The following SCGB2A2 variants were observed in gnomAD, a reference collection of about 807,000 sequenced individuals.
SCGB2A2 encodes secretoglobin family 2A member 2.
SCGB2A2 carries 11 observed loss-of-function variants against 8.8 expected under a neutral mutation model. That is an observed-to-expected ratio of 1.25 (90% CI 0.79 to 2.07). The LOEUF is 2.07. Among genes scored for constraint, SCGB2A2 ranks in the 30% most tolerant of loss-of-function variants. The pLI is 0.00. For missense variants in SCGB2A2, 113 were observed against 109.9 expected (o/e 1.03, Z -0.13); for synonymous variants, 42 against 40.9 (o/e 1.03, Z -0.10).
At chr11:62,272,847 C>A in intron 2 of SCGB2A2, 110 bp from the exon 3 acceptor site, 1 of 706,194 alleles carries the variant, frequency 1.4e-6, no homozygotes, top group South Asian at 2.2e-5. Context: ...GTCTGGGATG[C>A]TAGATGGTTG....
rs148168628 is a variant in SCGB2A2, at chr11:62,270,886, G to A, written c.61G>A (p.Gly21Ser). 9 of 1,613,228 alleles carry A rather than the reference G, an allele frequency of 5.6e-6. No individual in the cohort carries two copies. The African/African-American group carries it at 1.2e-4, about 22-fold the overall frequency. ...ALSQHCYAGS[G>S]CPLLENVISK... Reference sequence around the variant, plus strand: ...TCCTTGTGCATCCTTCCCAGGCTCTGGCTGCCCCTTATTGGAGAATGTGAT... The same window carrying A: ...TCCTTGTGCATCCTTCCCAGGCTCTAGCTGCCCCTTATTGGAGAATGTGAT... The change falls in exon 2 of 3, where the codon GGC becomes AGC. Residue 21 changes from glycine (G) to serine (S), a missense_variant. Gly to Ser is a moderately conservative substitution (Grantham distance 56, BLOSUM62 0). Transcript: ENST00000227918.
Position 62,273,060 on chromosome 11 carries a change from G to A in SCGB2A2, c.*65G>A. 1.8e-6 allele frequency: 2 copies of A among 1,134,880 alleles called. No homozygotes were observed. Among genetic ancestry groups the A allele is most frequent in the Non-Finnish European group, 2.6e-6 (2 of 771,834 alleles). 70.3% of individuals were successfully genotyped at this position (1,134,880 alleles called of 1,614,324 possible). A position where few individuals can be genotyped will look rare whatever the true frequency, so the allele number is the denominator to read the frequency against. On this transcript the variant is annotated 3_prime_UTR_variant, in exon 3 of 3. Transcript: ENST00000227918. Reference sequence around the variant, plus strand: ...GGTGAGAAACCAACTACGGATTGCTGCAAACCACACCTTCTCTTTCTTATG... The same window carrying A: ...GGTGAGAAACCAACTACGGATTGCTACAAACCACACCTTCTCTTTCTTATG...
chr11:62,272,647 CTTTTTT>C (rs71886885), intron 2 of SCGB2A2, among the ~76,000 whole-genome samples: 1 of 94,462 alleles, frequency 1.1e-5, no homozygotes, highest in Non-Finnish European at 2.0e-5. Context: ...CAAAGTTTCA[CTTTTTT>C]TTTTTTTTTT....
At chr11:62,272,647 C>CTTTTTTT (rs71886885) in intron 2 of SCGB2A2, among the ~76,000 whole-genome samples, 63 of 94,390 alleles carry the variant, frequency 6.7e-4, no homozygotes, top group East Asian at 1.0e-3. Context: ...CAAAGTTTCA[C>CTTTTTTT]TTTTTTTTTT....
intron 2 of SCGB2A2, 41 bp downstream of exon 2, chr11:62,271,109 A>G (rs2134501924): frequency 6.2e-7 from 1 of 1,613,130 alleles, no homozygotes. Context: ...AAATCCCCTG[A>G]CCAGGGACAA....
chr11:62,270,955 G>T lies in SCGB2A2; in HGVS notation c.130G>T (p.Glu44Ter), dbSNP rs1223624104. Residue 44 changes from glutamate to a stop codon, truncating the protein, a stop_gained, in exon 2 of 3, where the codon GAA becomes TAA. Transcript: ENST00000227918. LOFTEE classifies it high-confidence loss of function. The stretch of plus-strand genomic sequence containing the variant: ...ACAAGTGTCTAAGACTGAATACAAA[G>T]AACTTCTTCAAGAGTTCATAGACGA... ...NPQVSKTEYK[E>*]LLQEFIDDNA... 6.2e-7 allele frequency: 1 copy of T among 1,614,094 alleles called. No individual in the cohort carries two copies. The highest frequency in any genetic ancestry group is 1.7e-5 in the Admixed American group (1 of 60,028).
chr11:62,270,261 CT>C lies in SCGB2A2; in HGVS notation c.46del (p.Cys16AlafsTer13), dbSNP rs1945266433. 6.2e-7 allele frequency: 1 copy of C among 1,613,964 alleles called. No homozygotes were observed. The highest frequency in any genetic ancestry group is 8.5e-7 in the Non-Finnish European group (1 of 1,179,944). The stretch of plus-strand genomic sequence containing the variant: ...TCATGCTGGCGGCCCTCTCCCAGCA[CT>C]GCTACGCAGGTGAGTTCTGTGCAGG... ...VLMLAALSQHCYAGSGCPLLE... is the reference protein window; with the variant it reads ...VLMLAALSQHXYAGSGCPLLE... On this transcript the variant is annotated frameshift_variant, in exon 1 of 3. Transcript: ENST00000227918. LOFTEE classifies it high-confidence loss of function.
In SCGB2A2 at chr11:62,272,903, AT is replaced by A. The variant is rs551383289; in HGVS notation, c.244-50del. ...ATAAGCTTCTGTTTTTCAAGATTTT[AT>A]TTTGTTAGAGAGTGCAGAAAATCTA... On this transcript the variant is annotated intron_variant, in intron 2 of 2. Transcript: ENST00000227918. 2.0e-3 allele frequency: 2,644 copies of A among 1,330,568 alleles called. 12 individuals are homozygous for A. The highest frequency in any genetic ancestry group is 1.6e-3 in the Non-Finnish European group (1,509 of 944,664). The allele number at this position is 1,330,568 out of a possible 1,614,324, so 82.4% of individuals were successfully genotyped here. A position where few individuals can be genotyped will look rare whatever the true frequency, so the allele number is the denominator to read the frequency against.
intron 2 of SCGB2A2, among the ~76,000 whole-genome samples, 187 bp from the exon 3 acceptor site, chr11:62,272,770 T>C (rs1945290290): frequency 7.0e-6 from 1 of 142,704 alleles, no homozygotes; most frequent in Admixed American, 7.7e-5. Context: ...ACAGAAAAAA[T>C]ATTTAAAAAG....
At chr11:62,272,339 T>G (rs573567350) in intron 2 of SCGB2A2, among the ~76,000 whole-genome samples, 1 of 151,970 alleles carries the variant, frequency 6.6e-6, no homozygotes, top group South Asian at 2.1e-4. Context: ...GTTTCAGTTG[T>G]GCAAAACAGT....
At chr11:62,270,824 G>A (rs1590673105) in intron 1 of SCGB2A2, 57 bp from the exon 2 acceptor site, 1 of 1,357,120 alleles carries the variant, frequency 7.4e-7, no homozygotes, top group Non-Finnish European at 1.0e-6. Flanking sequence ...TAATAGGTCT[G>A]CCCCAAGCCT....
In SCGB2A2 at chr11:62,270,898, T is replaced by C. The variant is rs766084370; in HGVS notation, c.73T>C (p.Leu25=). 1.7e-5 allele frequency: 27 copies of C among 1,613,976 alleles called. No homozygotes were observed. Among genetic ancestry groups the C allele is most frequent in the East Asian group, 2.2e-5 (1 of 44,880 alleles). ...HCYAGSGCPL[L]ENVISKTINP... ...CTTCCCAGGCTCTGGCTGCCCCTTATTGGAGAATGTGATTTCCAAGACAAT... is the reference window on the plus strand; with the variant it reads ...CTTCCCAGGCTCTGGCTGCCCCTTACTGGAGAATGTGATTTCCAAGACAAT... The change falls in exon 2 of 3, where the codon TTG becomes CTG. Residue 25 remains leucine, a synonymous_variant. Coordinates refer to ENST00000227918, the MANE Select transcript of SCGB2A2 (RefSeq NM_002411.4).
At chr11:62,272,647 C>CA (rs1459002193) in intron 2 of SCGB2A2, among the ~76,000 whole-genome samples, 43 of 94,446 alleles carry the variant, frequency 4.6e-4, no homozygotes, top group African/African-American at 1.7e-3. Context: ...CAAAGTTTCA[C>CA]TTTTTTTTTT....
In SCGB2A2 at chr11:62,270,255, C is replaced by A. The variant is rs773581845; in HGVS notation, c.39C>A (p.Ser13=). ...TGGTCCTCATGCTGGCGGCCCTCTCCCAGCACTGCTACGCAGGTGAGTTCT... is the reference window on the plus strand; with the variant it reads ...TGGTCCTCATGCTGGCGGCCCTCTCACAGCACTGCTACGCAGGTGAGTTCT... ...LLMVLMLAAL[S]QHCYAGSGCP... is the part of the protein sequence containing the mutation. The change falls in exon 1 of 3, where the codon TCC becomes TCA. Residue 13 remains serine, a synonymous_variant. Transcript: ENST00000227918. 42 of 1,613,874 alleles carry A rather than the reference C, an allele frequency of 2.6e-5. No individual in the cohort carries two copies. Among genetic ancestry groups the A allele is most frequent in the Non-Finnish European group, 2.9e-5 (34 of 1,179,984 alleles).
chr11:62,272,834 A>C, intron 2 of SCGB2A2, 123 bp from the exon 3 acceptor site: 2 of 597,392 alleles, frequency 3.3e-6, no homozygotes, highest in Non-Finnish European at 5.7e-6. Context: ...TCCAGCCCTA[A>C]CCGTCTGGGA....
chr11:62,272,042 T>TAAA (rs71053028), intron 2 of SCGB2A2: 462 of 214,608 alleles, frequency 2.2e-3, no homozygotes, highest in African/African-American at 4.7e-3. Context: ...CCTTCCCTGG[T>TAAA]AAAAAAAAAA....
intron 1 of SCGB2A2, among the ~76,000 whole-genome samples, chr11:62,270,678 G>A (rs187632886): frequency 2.4e-4 from 37 of 152,308 alleles, no homozygotes; most frequent in Admixed American, 7.2e-4. Flanking sequence ...TCTGGGCTGG[G>A]GAGTGGAGAG....
intron 2 of SCGB2A2, chr11:62,271,398 C>G (rs1429774079): frequency 2.1e-6 from 3 of 1,427,304 alleles, no homozygotes; most frequent in Non-Finnish European, 2.7e-6. Flanking sequence ...CAGAAACACA[C>G]ATACACACAT....
chr11:62,270,908 T>A lies in SCGB2A2; in HGVS notation c.83T>A (p.Val28Glu), dbSNP rs753525603. 3.1e-6 allele frequency: 5 copies of A among 1,613,972 alleles called. No homozygotes were observed. In the African/African-American group the frequency reaches 6.7e-5, roughly 22 times the overall value. Reference sequence around the variant, plus strand: ...TCTGGCTGCCCCTTATTGGAGAATGTGATTTCCAAGACAATCAATCCACAA... The same window carrying A: ...TCTGGCTGCCCCTTATTGGAGAATGAGATTTCCAAGACAATCAATCCACAA... ...AGSGCPLLEN[V>E]ISKTINPQVS... Residue 28 changes from valine to glutamate, a missense_variant, in exon 2 of 3, where the codon GTG becomes GAG. Val to Glu is a moderately radical substitution (Grantham distance 121, BLOSUM62 -2). Transcript: ENST00000227918.
Sources: gnomAD v4.1 joint callset for allele counts (sites outside exome capture counted in the v4.1 genomes callset) on GRCh38, gnomAD v4.1.1 for gene constraint, MANE v1.5 for transcripts, NCBI Gene and HGNC (gene_info 2026-07-23, HGNC 2026-07-21) for gene names.